COL22A1: variants seen among roughly 807,000 people sequenced by gnomAD.
COL22A1 encodes collagen type XXII alpha 1 chain.
COL22A1 carries 221 observed loss-of-function variants against 248.9 expected under a neutral mutation model. The observed-to-expected ratio is 0.89, with a 90% CI of 0.80 to 0.99. The LOEUF is 0.99. Among genes scored for constraint, COL22A1 ranks in the 50% least tolerant of loss-of-function variants. The pLI is 0.00. For synonymous variants in COL22A1, 891 were observed against 793.4 expected, an observed-to-expected ratio of 1.12 and a Z score of -2.07; for missense variants, 2,240 against 2,179.0, an observed-to-expected ratio of 1.03 and a Z score of -0.56.
chr8:138,751,566 C>G, intron 21 of COL22A1, 55 bp from the exon 22 acceptor site: 1 of 1,260,636 alleles, frequency 7.9e-7, no homozygotes. Flanking sequence ...AAATGCAGGG[C>G]TCAATGGCAT....
intron 49 of COL22A1, among the ~76,000 whole-genome samples, chr8:138,631,922 G>A (rs537984322): frequency 6.6e-6 from 1 of 152,102 alleles, no homozygotes; most frequent in South Asian, 2.1e-4. Flanking sequence ...ACTAAATTTA[G>A]TTCCTCATTG....
intron 18 of COL22A1, among the ~76,000 whole-genome samples, chr8:138,757,750 C>T (rs4736185): frequency 0.7 from 105,895 of 152,158 alleles, 37,693 homozygotes; most frequent in East Asian, 0.92. Flanking sequence ...ACAGATACAC[C>T]GAGTAACTTG....
At chr8:138,682,063 C>A (rs888579588) in intron 39 of COL22A1, among the ~76,000 whole-genome samples, 2 of 152,172 alleles carry the variant, frequency 1.3e-5, no homozygotes, top group Non-Finnish European at 2.9e-5. Flanking sequence ...GTAAGCAAGC[C>A]TCTCACATAC....
chr8:138,698,997 G>C (rs1398761444), intron 32 of COL22A1, among the ~76,000 whole-genome samples: 1 of 152,222 alleles, frequency 6.6e-6, no homozygotes, highest in African/African-American at 2.4e-5. Flanking sequence ...TCTCAGCGAA[G>C]AAACATAAGG....
chr8:138,711,338 T>A (rs117052459), intron 30 of COL22A1, among the ~76,000 whole-genome samples: 1,567 of 152,318 alleles, frequency 0.01, 50 homozygotes, highest in Admixed American at 0.075. Flanking sequence ...AAGAGGGCAA[T>A]GTTGCCTTAA....
intron 16 of COL22A1, among the ~76,000 whole-genome samples, chr8:138,765,710 A>G (rs1204682438): frequency 6.6e-6 from 1 of 152,234 alleles, no homozygotes; most frequent in African/African-American, 2.4e-5. Flanking sequence ...GCCCAGAGAA[A>G]GAGAGAGAGC....
chr8:138,744,103 A>G (rs903696187), intron 22 of COL22A1, among the ~76,000 whole-genome samples: 1 of 152,224 alleles, frequency 6.6e-6, no homozygotes, highest in Non-Finnish European at 1.5e-5. Context: ...GCTTCATGCC[A>G]TGAAATGAAT....
Position 138,589,321 on chromosome 8 carries a change from A to C in COL22A1, c.4813T>G (p.Cys1605Gly), listed in dbSNP as rs772735366. The stretch of plus-strand genomic sequence containing the variant: ...AAGTAGGCACACTGGGAAGGGTCAC[A>C]TTGGCCTGGGGGACCGGGAGGTCCT... ...LPGPPGPPGQ[C>G]DPSQCAYFAS... is the part of the protein sequence containing the mutation. Residue 1605 changes from cysteine (C) to glycine (G), a missense_variant, in exon 65 of 65, where the codon TGT becomes GGT. Coordinates refer to ENST00000303045, the MANE Select transcript of COL22A1 (RefSeq NM_152888.3). 6.2e-7 allele frequency: 1 copy of C among 1,613,528 alleles called. No individual in the cohort carries two copies. The highest frequency in any genetic ancestry group is 1.7e-5 in the Admixed American group (1 of 59,958).
intron 59 of COL22A1, among the ~76,000 whole-genome samples, chr8:138,603,230 C>T (rs1818173664): frequency 6.6e-6 from 1 of 152,194 alleles, no homozygotes; most frequent in African/African-American, 2.4e-5. Context: ...GAGTTCACAA[C>T]CTGTCCATGA....
Position 138,709,307 on chromosome 8 carries a change from T to A in COL22A1, c.2518-5960A>T, listed in dbSNP as rs1383801310. Among the ~76,000 whole-genome samples the A allele has an allele frequency of 2.6e-5, 4 of 152,170 alleles. No homozygotes were observed. The South Asian group carries it at 6.2e-4, about 24-fold the overall frequency. On this transcript the variant is annotated intron_variant, in intron 30 of 64. Transcript: ENST00000303045. ...TTCTAGGTATATACCCAAAGGATTA[T>A]AAATCATGCTGCTATAAAGACACAT... is the stretch of plus-strand genomic sequence containing the variant.
At chr8:138,876,454 T>A (rs1430515028) in intron 3 of COL22A1, among the ~76,000 whole-genome samples, 2 of 152,206 alleles carry the variant, frequency 1.3e-5, no homozygotes, top group African/African-American at 4.8e-5. Context: ...CTGAGAATGG[T>A]TGCTGTGTCT....
intron 32 of COL22A1, among the ~76,000 whole-genome samples, chr8:138,695,487 C>T (rs889029867): frequency 2.0e-5 from 3 of 152,080 alleles, no homozygotes; most frequent in African/African-American, 7.2e-5. Context: ...AGGTCCTCAC[C>T]ATCGTGCCTG....
chr8:138,831,543 G>A (rs1427554390), intron 5 of COL22A1, among the ~76,000 whole-genome samples: 2 of 152,214 alleles, frequency 1.3e-5, no homozygotes, highest in Non-Finnish European at 2.9e-5. Context: ...ATTCAAGGAA[G>A]GCATCTAGAG....
chr8:138,905,073 CAGAT>C (rs746557555), intron 1 of COL22A1, among the ~76,000 whole-genome samples: 2 of 152,324 alleles, frequency 1.3e-5, no homozygotes, highest in South Asian at 2.1e-4. Context: ...TACATATCAA[CAGAT>C]AGATGGATGG....
chr8:138,622,773 C>A (rs1230972516), intron 52 of COL22A1, among the ~76,000 whole-genome samples: 1 of 152,100 alleles, frequency 6.6e-6, no homozygotes, highest in Non-Finnish European at 1.5e-5. Flanking sequence ...TAGGAGCAGT[C>A]CTGCATCAGT....
intron 32 of COL22A1, among the ~76,000 whole-genome samples, chr8:138,697,604 G>A (rs1827613210): frequency 6.6e-6 from 1 of 152,138 alleles, no homozygotes. Context: ...GCCATCCCCA[G>A]GAGCCTCCTC....
intron 30 of COL22A1, among the ~76,000 whole-genome samples, chr8:138,706,231 G>A (rs1028004260): frequency 6.6e-6 from 1 of 152,096 alleles, no homozygotes; most frequent in Non-Finnish European, 1.5e-5. Flanking sequence ...AGATCAACAA[G>A]ACAGAAAGTT....
At chr8:138,882,239 C>T (rs1399872745) in intron 2 of COL22A1, among the ~76,000 whole-genome samples, 3 of 152,022 alleles carry the variant, frequency 2.0e-5, no homozygotes, top group African/African-American at 7.3e-5. Context: ...CTGTCACGCT[C>T]TCTCCTCCTC....
At chr8:138,753,771 T>C (rs987198497) in intron 21 of COL22A1, among the ~76,000 whole-genome samples, 2 of 152,182 alleles carry the variant, frequency 1.3e-5, no homozygotes, top group African/African-American at 2.4e-5. Flanking sequence ...CCCTCCCTCA[T>C]TTACTGTAAC....
Sources: gnomAD v4.1 joint callset for allele counts (sites outside exome capture counted in the v4.1 genomes callset) on GRCh38, gnomAD v4.1.1 for gene constraint, MANE v1.5 for transcripts, NCBI Gene and HGNC (gene_info 2026-07-23, HGNC 2026-07-21) for gene names.